The following EMCN variants were observed in gnomAD, a reference collection of about 807,000 sequenced individuals.
The protein encoded by EMCN is endomucin, also known as MUC-14.
In EMCN, 37 loss-of-function variants were observed where a neutral mutation model predicts 38.4. The observed-to-expected ratio is 0.96, with a 90% CI of 0.74 to 1.27. The LOEUF (loss-of-function observed/expected upper bound fraction) is 1.27, where lower values mean the gene tolerates loss of function less well. Among genes scored for constraint, EMCN ranks in the 50% most tolerant of loss-of-function variants. The pLI is 0.00. For missense variants in EMCN, 318 were observed against 302.8 expected, an observed-to-expected ratio of 1.05 and a Z score of -0.37; for synonymous variants, 95 against 100.8, an observed-to-expected ratio of 0.94 and a Z score of 0.35.
chr4:100,499,027 G>T (rs1395039555), intron 1 of EMCN, among the ~76,000 whole-genome samples: 1 of 151,910 alleles, frequency 6.6e-6, no homozygotes, highest in Non-Finnish European at 1.5e-5. Context: ...GATTTTTTCA[G>T]TGGTTAATTA....
chr4:100,416,607 C>T (rs1475530278), intron 9 of EMCN, among the ~76,000 whole-genome samples: 1 of 152,130 alleles, frequency 6.6e-6, no homozygotes, highest in African/African-American at 2.4e-5. Flanking sequence ...ACCACAAATT[C>T]CTGTCAACAA....
In EMCN at chr4:100,421,266, A is replaced by C. The variant is rs1726878479; in HGVS notation, c.664+16T>G. ...ATTCTTCTTTCAGGAAAACAAAACA[A>C]AACACTGTTACCTACCCGGATCTGC... is the stretch of plus-strand genomic sequence containing the variant. On this transcript the variant is annotated intron_variant, in intron 8 of 11. Coordinates refer to ENST00000296420, the MANE Select transcript of EMCN (RefSeq NM_016242.4). 1.2e-6 allele frequency: 2 copies of C among 1,608,352 alleles called. No individual in the cohort carries two copies. Among genetic ancestry groups the C allele is most frequent in the African/African-American group, 2.7e-5 (2 of 74,746 alleles).
At chr4:100,413,141 A>C (rs1031893645) in intron 10 of EMCN, among the ~76,000 whole-genome samples, 1 of 152,182 alleles carries the variant, frequency 6.6e-6, no homozygotes, top group African/African-American at 2.4e-5. Context: ...CTGAAGCTCA[A>C]ATTTCATTGT....
At chr4:100,450,741 A>T (rs1008058412) in intron 4 of EMCN, among the ~76,000 whole-genome samples, 3 of 151,960 alleles carry the variant, frequency 2.0e-5, no homozygotes, top group African/African-American at 7.2e-5. Context: ...ATTAAATCGC[A>T]TATGAGAAAT....
intron 4 of EMCN, among the ~76,000 whole-genome samples, chr4:100,464,718 A>G (rs1390426245): frequency 6.6e-6 from 1 of 152,004 alleles, no homozygotes; most frequent in Non-Finnish European, 1.5e-5. Flanking sequence ...GATAAATCTG[A>G]CTTGTTCATA....
chr4:100,461,223 T>C (rs1405489413), intron 4 of EMCN, among the ~76,000 whole-genome samples: 3 of 152,214 alleles, frequency 2.0e-5, no homozygotes, highest in Non-Finnish European at 4.4e-5. Flanking sequence ...TGTTCACTTC[T>C]TGACTTTATT....
In EMCN at chr4:100,475,035, C is replaced by G; in HGVS notation, c.259+3G>C. 6.8e-7 allele frequency: 1 copy of G among 1,460,790 alleles called. No individual in the cohort carries two copies. Among genetic ancestry groups the G allele is most frequent in the Non-Finnish European group, 9.3e-7 (1 of 1,071,028 alleles). 90.5% of individuals were successfully genotyped at this position (1,460,790 alleles called of 1,614,324 possible). On this transcript the variant is annotated splice_donor_region_variant and intron_variant, in intron 3 of 11. Coordinates refer to ENST00000296420, the MANE Select transcript of EMCN (RefSeq NM_016242.4). ...AATTGTAGAAAAATGAATCATTACT[C>G]ACCTTCATCTTTACTTGTTAAAAAA...
intron 1 of EMCN, among the ~76,000 whole-genome samples, chr4:100,488,423 TC>T (rs1728995016): frequency 6.6e-6 from 1 of 152,156 alleles, no homozygotes; most frequent in African/African-American, 2.4e-5. Flanking sequence ...TAAATGTATT[TC>T]CCTTTAGTGT....
At chr4:100,497,350 T>A (rs1033134263) in intron 1 of EMCN, among the ~76,000 whole-genome samples, 17 of 151,804 alleles carry the variant, frequency 1.1e-4, no homozygotes, top group African/African-American at 3.6e-4. Flanking sequence ...ACTTTACAGT[T>A]TAAAAAGTAA....
intron 10 of EMCN, among the ~76,000 whole-genome samples, chr4:100,415,649 T>C: frequency 6.6e-6 from 1 of 151,768 alleles, no homozygotes; most frequent in African/African-American, 2.4e-5. Context: ...GAATAGGAAA[T>C]GCCTCCAGCC....
chr4:100,501,916 C>G (rs1197809617), intron 1 of EMCN, among the ~76,000 whole-genome samples: 1 of 150,764 alleles, frequency 6.6e-6, no homozygotes, highest in African/African-American at 2.4e-5. Context: ...TACATGGTGT[C>G]ATTTGTTTGG....
At chr4:100,467,718 T>C (rs1728362086) in intron 3 of EMCN, among the ~76,000 whole-genome samples, 1 of 150,252 alleles carries the variant, frequency 6.7e-6, no homozygotes, top group Non-Finnish European at 1.5e-5. Context: ...AGAATCATAG[T>C]CATATTAACA....
At chr4:100,474,861 A>G (rs1728589652) in intron 3 of EMCN, among the ~76,000 whole-genome samples, 177 bp downstream of exon 3, 1 of 152,192 alleles carries the variant, frequency 6.6e-6, no homozygotes, top group Admixed American at 6.5e-5. Context: ...GTGATTGGTA[A>G]TTAATACAGG....
intron 1 of EMCN, among the ~76,000 whole-genome samples, chr4:100,491,837 C>G (rs188526324): frequency 2.6e-5 from 4 of 152,342 alleles, no homozygotes; most frequent in Admixed American, 1.3e-4. Context: ...AAAGCAGGCT[C>G]TCTCTGACCA....
chr4:100,425,172 C>CACAG (rs1357591629), intron 5 of EMCN, among the ~76,000 whole-genome samples: 8 of 151,748 alleles, frequency 5.3e-5, no homozygotes. Flanking sequence ...CACACACACA[C>CACAG]ACACACACAC....
At chr4:100,411,525 GA>G (rs758059070) in intron 10 of EMCN, among the ~76,000 whole-genome samples, 15 of 151,676 alleles carry the variant, frequency 9.9e-5, no homozygotes, top group Non-Finnish European at 1.6e-4. Flanking sequence ...ATAACAATAT[GA>G]TATCAGTAAC....
intron 5 of EMCN, among the ~76,000 whole-genome samples, chr4:100,445,707 T>C (rs894038044): frequency 1.3e-5 from 2 of 152,162 alleles, no homozygotes; most frequent in African/African-American, 4.8e-5. Context: ...ACTAAAGAAG[T>C]CTTTAATCTG....
intron 4 of EMCN, among the ~76,000 whole-genome samples, chr4:100,458,846 G>A (rs1297545969): frequency 3.9e-5 from 6 of 152,116 alleles, no homozygotes; most frequent in African/African-American, 9.7e-5. Context: ...CTCCTCAGAA[G>A]GCTCCACCTT....
intron 4 of EMCN, 134 bp downstream of exon 4, chr4:100,465,289 G>T: frequency 1.9e-6 from 1 of 521,232 alleles, no homozygotes; most frequent in South Asian, 3.5e-5. Context: ...CCAAATGATT[G>T]TTCTATTGGG....
Sources: allele counts gnomAD v4.1 joint callset (sites outside exome capture counted in the v4.1 genomes callset), GRCh38; gene constraint gnomAD v4.1.1; transcripts MANE v1.5; gene names NCBI Gene and HGNC (gene_info 2026-07-23, HGNC 2026-07-21).